GLIS3: variants seen among roughly 807,000 people sequenced by gnomAD.
The protein encoded by GLIS3 is GLIS family zinc finger 3.
A neutral mutation model predicts 78.6 loss-of-function variants in GLIS3; 53 were observed. That is an observed-to-expected ratio of 0.67 (90% CI 0.54 to 0.85). GLIS3 has a LOEUF of 0.85. Ranked by LOEUF, GLIS3 falls within the 40% of genes least tolerant of loss-of-function variation. The pLI, the probability that GLIS3 is intolerant of heterozygous loss-of-function variation, is 0.00. For missense variants in GLIS3, 1,703 were observed against 1,231.1 expected, an observed-to-expected ratio of 1.38 and a Z score of -5.74; for synonymous variants, 684 against 509.9, an observed-to-expected ratio of 1.34 and a Z score of -4.60.
chr9:4,274,798 T>C (rs983607641), intron 2 of GLIS3, among the ~76,000 whole-genome samples: 6 of 152,188 alleles, frequency 3.9e-5, no homozygotes, highest in African/African-American at 1.2e-4. Context: ...CCTGGGAATA[T>C]TGTTAAAATG....
At chr9:4,398,708 A>G in the GLIS3 span, among the ~76,000 whole-genome samples, 1 of 151,526 alleles carries the variant, frequency 6.6e-6, no homozygotes, top group Non-Finnish European at 1.5e-5. Context: ...ATTTTGTTTG[A>G]GACAGAGTTT....
intron 2 of GLIS3, among the ~76,000 whole-genome samples, chr9:4,277,900 A>G (rs1827174723): frequency 6.6e-6 from 1 of 152,192 alleles, no homozygotes; most frequent in South Asian, 2.1e-4. Flanking sequence ...TATAACCGGG[A>G]TCCTTCAAAC....
At chr9:4,356,749 G>C in the GLIS3 span, among the ~76,000 whole-genome samples, 2 of 152,152 alleles carry the variant, frequency 1.3e-5, no homozygotes, top group African/African-American at 4.8e-5. Flanking sequence ...AATGAATTTG[G>C]AATTTGCTGA....
intron 5 of GLIS3, among the ~76,000 whole-genome samples, chr9:3,934,841 G>T (rs959639601): frequency 3.3e-5 from 5 of 152,058 alleles, no homozygotes; most frequent in Non-Finnish European, 7.4e-5. Context: ...GTAATGTCAG[G>T]GACTGATCTA....
chr9:3,958,510 A>T (rs964381149), intron 4 of GLIS3, among the ~76,000 whole-genome samples: 1 of 152,152 alleles, frequency 6.6e-6, no homozygotes, highest in South Asian at 2.1e-4. Flanking sequence ...TCCCCACTCT[A>T]TTCTGCTATT....
At chr9:4,053,508 G>A (rs1456190970) in intron 4 of GLIS3, among the ~76,000 whole-genome samples, 3 of 151,722 alleles carry the variant, frequency 2.0e-5, no homozygotes, top group African/African-American at 7.3e-5. Flanking sequence ...TTCCTTTCTA[G>A]ACTTAAACTC....
intron 2 of GLIS3, among the ~76,000 whole-genome samples, chr9:4,130,723 C>T (rs979805208): frequency 1.1e-4 from 16 of 152,218 alleles, no homozygotes; most frequent in South Asian, 4.1e-4. Flanking sequence ...AGAGGCCACA[C>T]GGAGAACCAC....
intron 4 of GLIS3, among the ~76,000 whole-genome samples, chr9:4,024,029 A>AC (rs200902220): frequency 0.026 from 3,733 of 145,016 alleles, 159 homozygotes; most frequent in African/African-American, 0.095. Context: ...GAAAAACAAA[A>AC]AAAAACAAAA....
intron 4 of GLIS3, among the ~76,000 whole-genome samples, chr9:4,001,955 T>C (rs1216125360): frequency 2.0e-5 from 3 of 152,236 alleles, no homozygotes; most frequent in Admixed American, 2.0e-4. Context: ...ACTGTGATAC[T>C]ATAAACAGTG....
At chr9:4,476,899 T>C in the GLIS3 span, among the ~76,000 whole-genome samples, 3 of 152,290 alleles carry the variant, frequency 2.0e-5, no homozygotes, top group East Asian at 1.9e-4. Flanking sequence ...TTTTAAAAAC[T>C]AGAAAATATA....
chr9:4,359,938 TAC>T, the GLIS3 span, among the ~76,000 whole-genome samples: 5 of 152,058 alleles, frequency 3.3e-5, no homozygotes, highest in African/African-American at 1.2e-4. Flanking sequence ...TACTTATATA[TAC>T]ATTTATTTTC....
At chr9:4,337,192 C>G in intron 2 of GLIS3, among the ~76,000 whole-genome samples, 1 of 152,124 alleles carries the variant, frequency 6.6e-6, no homozygotes, top group Non-Finnish European at 1.5e-5. Flanking sequence ...TCATTTAACC[C>G]CAAAACTCTC....
intron 4 of GLIS3, among the ~76,000 whole-genome samples, chr9:4,043,935 C>A (rs763686851): frequency 4.6e-5 from 7 of 152,214 alleles, no homozygotes; most frequent in Non-Finnish European, 1.0e-4. Context: ...AACCTGACAC[C>A]TGCAGCACTG....
chr9:4,055,494 C>T (rs558934985), intron 4 of GLIS3, among the ~76,000 whole-genome samples: 1 of 152,112 alleles, frequency 6.6e-6, no homozygotes, highest in Non-Finnish European at 1.5e-5. Context: ...AGCTTGCACT[C>T]TTGAGATGCA....
chr9:4,208,842 T>C (rs1820112160), intron 2 of GLIS3, among the ~76,000 whole-genome samples: 1 of 152,176 alleles, frequency 6.6e-6, no homozygotes, highest in Non-Finnish European at 1.5e-5. Context: ...ACACCTTGTG[T>C]GCCCTTCAGA....
chr9:4,280,472 G>A (rs1311913107), intron 2 of GLIS3, among the ~76,000 whole-genome samples: 3 of 152,120 alleles, frequency 2.0e-5, no homozygotes, highest in Non-Finnish European at 4.4e-5. Flanking sequence ...ACTTTCAAGT[G>A]GTTCACCTTA....
chr9:4,397,174 C>T, the GLIS3 span, among the ~76,000 whole-genome samples: 13 of 140,498 alleles, frequency 9.3e-5, 1 homozygote, highest in Admixed American at 3.5e-4. Context: ...TACAGGTGCC[C>T]GCCACTACGC....
chr9:4,207,736 T>C (rs749919592), intron 2 of GLIS3, among the ~76,000 whole-genome samples: 4 of 152,100 alleles, frequency 2.6e-5, no homozygotes, highest in South Asian at 4.1e-4. Context: ...ACACAGCTCA[T>C]GAGTAGCAGA....
chr9:3,840,796 C>T (rs1180991778), intron 9 of GLIS3, among the ~76,000 whole-genome samples: 1 of 152,200 alleles, frequency 6.6e-6, no homozygotes, highest in Admixed American at 6.5e-5. Context: ...GCTCTTGCTG[C>T]CAACTTGCAG....
Sources: gnomAD v4.1 joint callset for allele counts (sites outside exome capture counted in the v4.1 genomes callset) on GRCh38, gnomAD v4.1.1 for gene constraint, MANE v1.5 for transcripts, NCBI Gene and HGNC (gene_info 2026-07-23, HGNC 2026-07-21) for gene names.